DNAJB6: variants seen among roughly 807,000 people sequenced by gnomAD.
The protein encoded by DNAJB6 is dnaJ homolog subfamily B member 6.
In DNAJB6, 16 loss-of-function variants were observed where a neutral mutation model predicts 42.7. The observed-to-expected ratio is 0.37, with a 90% CI of 0.25 to 0.57. The LOEUF (loss-of-function observed/expected upper bound fraction) is 0.57, where lower values mean the gene tolerates loss of function less well. DNAJB6 is among the 20% of genes least tolerant of loss of function. The pLI is 0.74. For missense variants in DNAJB6, 347 were observed against 416.8 expected (o/e 0.83, Z 1.46); for synonymous variants, 170 against 163.5 (o/e 1.04, Z -0.30).
intron 9 of DNAJB6, chr7:157,413,504 C>G (rs1197738171): frequency 1.3e-5 from 2 of 152,160 alleles, no homozygotes; most frequent in Non-Finnish European, 2.9e-5. Flanking sequence ...TTTTCAAGTC[C>G]TTAAACTTGA....
chr7:157,409,756 C>A (rs775140272), intron 8 of DNAJB6, 39 bp from the exon 9 acceptor site: 2 of 1,488,920 alleles, frequency 1.3e-6, no homozygotes, highest in Non-Finnish European at 1.8e-6. Context: ...CGGCCGCCGC[C>A]GCTCACTCAC....
At chr7:157,378,320 A>G (rs139713656) in intron 5 of DNAJB6, 1 of 152,358 alleles carries the variant, frequency 6.6e-6, no homozygotes, top group East Asian at 1.9e-4. Flanking sequence ...GTATAAAAGT[A>G]TGATCAGTTG....
Position 157,416,428 on chromosome 7 carries a change from C to G in DNAJB6, c.*330C>G, listed in dbSNP as rs1796108572. ...CCGCATGCTGCTGGAATATTTCTGGCTTTAGAAGTACAGGAGGGCGCAGAT... is the reference window on the plus strand; with the variant it reads ...CCGCATGCTGCTGGAATATTTCTGGGTTTAGAAGTACAGGAGGGCGCAGAT... On this transcript the variant is annotated 3_prime_UTR_variant, in exon 10 of 10. Coordinates refer to ENST00000262177, the MANE Select transcript of DNAJB6 (RefSeq NM_058246.4). 1 of 298,396 alleles carries G rather than the reference C, an allele frequency of 3.4e-6. No homozygotes were observed. The highest frequency in any genetic ancestry group is 6.4e-6 in the Non-Finnish European group (1 of 155,756). 18.5% of individuals were successfully genotyped at this position (298,396 alleles called of 1,614,324 possible).
chr7:157,363,296 A>G, intron 3 of DNAJB6, 26 bp downstream of exon 3: 1 of 1,532,226 alleles, frequency 6.5e-7, no homozygotes, highest in Non-Finnish European at 9.0e-7. Context: ...CTGCTGAAGG[A>G]CCCTGAGCGG....
chr7:157,402,860 C>T (rs1795584947), intron 8 of DNAJB6, among the ~76,000 whole-genome samples: 1 of 152,174 alleles, frequency 6.6e-6, no homozygotes, highest in African/African-American at 2.4e-5. Flanking sequence ...GGAGAAAGTC[C>T]ACGGAACCCC....
chr7:157,349,332 A>G (rs1288860580), intron 1 of DNAJB6, among the ~76,000 whole-genome samples: 1 of 152,184 alleles, frequency 6.6e-6, no homozygotes, highest in Admixed American at 6.6e-5. Flanking sequence ...GAAGGCTTTG[A>G]TTGGTTGACT....
chr7:157,346,894 C>T (rs1176005685), intron 1 of DNAJB6, among the ~76,000 whole-genome samples: 4 of 152,158 alleles, frequency 2.6e-5, no homozygotes, highest in Non-Finnish European at 4.4e-5. Context: ...CTTGCTCTGT[C>T]GCCCAGGCTG....
At position 157,416,076 on chromosome 7, in the gene DNAJB6, A is replaced by T. The variant is rs767898412; in HGVS notation, c.959A>T (p.Lys320Met). Reference protein sequence around the residue: ...QKQREESKKKKSTKGNH With the variant: ...QKQREESKKKMSTKGNH ...CAGAGAGAGGAGTCGAAGAAGAAGA[A>T]GTCGACCAAAGGCAATCACTAGACC... The change falls in exon 10 of 10, where the codon AAG becomes ATG. Residue 320 changes from lysine to methionine, a missense_variant. Lys to Met is a moderately conservative substitution (Grantham distance 95). Around this residue, in one of 3 missense-constraint regions of DNAJB6, gnomAD observed 264 missense variants for 288.0 expected, o/e 0.92. Transcript: ENST00000262177. 6.2e-7 allele frequency: 1 copy of T among 1,614,110 alleles called. No homozygotes were observed. Among genetic ancestry groups the T allele is most frequent in the African/African-American group, 1.3e-5 (1 of 75,058 alleles).
chr7:157,405,770 G>A (rs1049011845), intron 8 of DNAJB6, among the ~76,000 whole-genome samples: 1 of 152,250 alleles, frequency 6.6e-6, no homozygotes, highest in East Asian at 1.9e-4. Context: ...GGGAGGGACC[G>A]GGAGGCCGAG....
At chr7:157,410,336 G>GACA (rs1363678858) in intron 9 of DNAJB6, 1 of 472,412 alleles carries the variant, frequency 2.1e-6, no homozygotes, top group Admixed American at 4.2e-5. Flanking sequence ...CGTAGAGCTT[G>GACA]AGGCCTGTGG....
At chr7:157,405,012 G>A (rs150135393) in intron 8 of DNAJB6, among the ~76,000 whole-genome samples, 103 of 152,296 alleles carry the variant, frequency 6.8e-4, no homozygotes, top group Admixed American at 2.4e-3. Flanking sequence ...GCCCTTCCCC[G>A]CATGAAAGGA....
intron 8 of DNAJB6, among the ~76,000 whole-genome samples, chr7:157,403,890 AC>A (rs61335872): frequency 0.026 from 3,901 of 152,258 alleles, 50 homozygotes; most frequent in East Asian, 0.051. Flanking sequence ...CTTCCTGTCC[AC>A]CCTGACCCAG....
intron 8 of DNAJB6, among the ~76,000 whole-genome samples, chr7:157,396,104 C>G (rs575769686): frequency 6.6e-6 from 1 of 152,046 alleles, no homozygotes; most frequent in Non-Finnish European, 1.5e-5. Context: ...TGTGCCACCA[C>G]GCCCAGCTAA....
intron 5 of DNAJB6, chr7:157,381,538 T>G (rs2117071897): frequency 6.6e-6 from 1 of 152,372 alleles, no homozygotes; most frequent in East Asian, 1.9e-4. Flanking sequence ...GTGTTTCCAC[T>G]TGGCAGCGTG....
intron 5 of DNAJB6, among the ~76,000 whole-genome samples, chr7:157,371,066 C>T (rs980921603): frequency 2.0e-5 from 3 of 152,206 alleles, no homozygotes; most frequent in Non-Finnish European, 2.9e-5. Context: ...GCATTGGAGT[C>T]TCATAAGGGC....
At chr7:157,351,910 T>C (rs753139091) in intron 1 of DNAJB6, among the ~76,000 whole-genome samples, 13 of 152,028 alleles carry the variant, frequency 8.6e-5, no homozygotes, top group Non-Finnish European at 1.3e-4. Context: ...GGAGAATTGC[T>C]TGAACCCGGG....
intron 8 of DNAJB6, among the ~76,000 whole-genome samples, chr7:157,387,489 G>A (rs1334191510): frequency 6.6e-6 from 1 of 152,212 alleles, no homozygotes; most frequent in Admixed American, 6.5e-5. Flanking sequence ...AATTCAAGTA[G>A]ATACTTGGAC....
At chr7:157,339,320 G>GTCT (rs1390508877) in intron 1 of DNAJB6, among the ~76,000 whole-genome samples, 3 of 116,962 alleles carry the variant, frequency 2.6e-5, no homozygotes, top group Non-Finnish European at 5.0e-5. Flanking sequence ...TTGAGACGGA[G>GTCT]TCTTGCTCTG....
intron 6 of DNAJB6, 87 bp downstream of exon 6, chr7:157,382,464 A>T: frequency 7.0e-7 from 1 of 1,422,598 alleles, no homozygotes; most frequent in South Asian, 1.4e-5. Context: ...AGAGTGCTTT[A>T]AAATATGTGT....
Sources: gnomAD v4.1 joint callset for allele counts (sites outside exome capture counted in the v4.1 genomes callset) on GRCh38, gnomAD v4.1.1 for gene constraint, gnomAD v4.1.1 regional missense constraint, MANE v1.5 for transcripts, NCBI Gene and HGNC (gene_info 2026-07-23, HGNC 2026-07-21) for gene names.